MAP2: variants seen among roughly 807,000 people sequenced by gnomAD.
The protein encoded by MAP2 is microtubule associated protein 2, also known as microtubule-associated protein 2.
A neutral mutation model predicts 137.6 loss-of-function variants in MAP2; 14 were observed. That is an observed-to-expected ratio of 0.10 (90% CI 0.07 to 0.16). The LOEUF (loss-of-function observed/expected upper bound fraction) is 0.16, where lower values mean the gene tolerates loss of function less well. MAP2 is among the 10% of genes least tolerant of loss of function. MAP2 has a pLI of 1.00. For synonymous variants in MAP2, 786 were observed against 782.3 expected, an observed-to-expected ratio of 1.00 and a Z score of -0.08; for missense variants, 2,088 against 2,191.5, an observed-to-expected ratio of 0.95 and a Z score of 0.94.
chr2:209,442,071 C>T (rs1028258249), intron 1 of MAP2, among the ~76,000 whole-genome samples: 1 of 151,474 alleles, frequency 6.6e-6, no homozygotes, highest in African/African-American at 2.4e-5. Context: ...AGGATTTTCA[C>T]AAATAAATTA....
rs555418212 is a variant in MAP2 at position 209,659,879 on chromosome 2, A to G, written c.262+6447A>G. 7.9e-5 allele frequency among the ~76,000 whole-genome samples: 12 copies of G among 152,180 alleles called. No homozygotes were observed. The East Asian group carries it at 1.2e-3, about 15-fold the overall frequency. On this transcript the variant is annotated intron_variant, in intron 5 of 15. Coordinates refer to ENST00000682079, the MANE Select transcript of MAP2 (RefSeq NM_001375505.1). ...CTGTGAAACCCCGTCTCTACTGAAAATAGAAAAAATTAGCCGGGCGTGGTG... is the reference window on the plus strand; with the variant it reads ...CTGTGAAACCCCGTCTCTACTGAAAGTAGAAAAAATTAGCCGGGCGTGGTG...
chr2:209,709,451 G>A (rs960598572), intron 12 of MAP2, among the ~76,000 whole-genome samples: 1 of 151,990 alleles, frequency 6.6e-6, no homozygotes, highest in Non-Finnish European at 1.5e-5. Flanking sequence ...CTAAATACAT[G>A]GTTCTATATT....
At chr2:209,669,372 G>A (rs892488661) in intron 5 of MAP2, among the ~76,000 whole-genome samples, 3 of 151,970 alleles carry the variant, frequency 2.0e-5, no homozygotes, top group African/African-American at 7.2e-5. Flanking sequence ...AGGTCACAAG[G>A]CTTCCAAAGA....
chr2:209,553,654 C>CA (rs1453846032), intron 2 of MAP2, among the ~76,000 whole-genome samples: 1 of 152,160 alleles, frequency 6.6e-6, no homozygotes, highest in African/African-American at 2.4e-5. Context: ...AAAGTGATTT[C>CA]AAGTAATTTA....
chr2:209,679,845 C>T (rs891443545), intron 6 of MAP2, among the ~76,000 whole-genome samples: 1 of 152,064 alleles, frequency 6.6e-6, no homozygotes, highest in African/African-American at 2.4e-5. Context: ...TCTTAAAATA[C>T]GCCATGCAGA....
At chr2:209,556,287 T>C (rs2070625858) in intron 2 of MAP2, among the ~76,000 whole-genome samples, 1 of 152,098 alleles carries the variant, frequency 6.6e-6, no homozygotes, top group African/African-American at 2.4e-5. Flanking sequence ...CAAGCGATCG[T>C]CCTGCCTTGG....
intron 1 of MAP2, among the ~76,000 whole-genome samples, chr2:209,439,810 C>T (rs190889141): frequency 6.6e-6 from 1 of 151,260 alleles, no homozygotes; most frequent in African/African-American, 2.4e-5. Flanking sequence ...TTATGTTATC[C>T]CAGTGCTTGG....
chr2:209,534,219 A>G (rs767882853), intron 2 of MAP2, among the ~76,000 whole-genome samples: 23 of 152,224 alleles, frequency 1.5e-4, no homozygotes, highest in Non-Finnish European at 3.2e-4. Flanking sequence ...TGGCTAATCT[A>G]TCTCCTGGTG....
At chr2:209,730,027 T>C (rs542627226) in intron 15 of MAP2, 65 bp downstream of exon 15, 135 of 1,274,784 alleles carry the variant, frequency 1.1e-4, no homozygotes, top group Non-Finnish European at 1.2e-4. Flanking sequence ...ATACTCTTCA[T>C]CAAAATAGGT....
At chr2:209,530,805 A>G (rs1376782324) in intron 2 of MAP2, among the ~76,000 whole-genome samples, 1 of 152,186 alleles carries the variant, frequency 6.6e-6, no homozygotes, top group Non-Finnish European at 1.5e-5. Flanking sequence ...AATTTGCTCC[A>G]GGTCACATAG....
intron 4 of MAP2, among the ~76,000 whole-genome samples, chr2:209,647,021 G>C (rs887237794): frequency 1.3e-5 from 2 of 152,176 alleles, no homozygotes; most frequent in Admixed American, 6.5e-5. Context: ...CATCTGCTCA[G>C]CTTCGGGGAG....
chr2:209,456,981 A>G (rs60358187), intron 1 of MAP2, among the ~76,000 whole-genome samples: 7,358 of 152,054 alleles, frequency 0.048, 291 homozygotes, highest in East Asian at 0.19. Context: ...ACACATGTAC[A>G]CACACAAACA....
chr2:209,677,281 A>T (rs1232902698), intron 5 of MAP2, among the ~76,000 whole-genome samples: 1 of 151,998 alleles, frequency 6.6e-6, no homozygotes, highest in Non-Finnish European at 1.5e-5. Context: ...ATCTCTTAGA[A>T]ATAAAATAGT....
At chr2:209,729,373 GC>G (rs953695597) in intron 14 of MAP2, among the ~76,000 whole-genome samples, 1 of 152,108 alleles carries the variant, frequency 6.6e-6, no homozygotes, top group Non-Finnish European at 1.5e-5. Context: ...TGAATATATT[GC>G]CCACATGTGC....
intron 11 of MAP2, among the ~76,000 whole-genome samples, chr2:209,700,891 A>G (rs1269791474): frequency 6.6e-6 from 1 of 152,182 alleles, no homozygotes; most frequent in African/African-American, 2.4e-5. Flanking sequence ...TAAATTCAAC[A>G]GTAAATGTAC....
chr2:209,694,253 A>G lies in MAP2; in HGVS notation c.2083A>G (p.Ile695Val), dbSNP rs2059647106. The G allele has an allele frequency of 1.2e-6, 2 of 1,614,126 alleles. No homozygotes were observed. The highest frequency in any genetic ancestry group is 1.7e-6 in the Non-Finnish European group (2 of 1,180,006). ...RSLGLGGRSAIEQRSMSINLP... is the reference protein window; with the variant it reads ...RSLGLGGRSAVEQRSMSINLP... ...TTTAGGACTTGGTGGTAGGTCTGCA[A>G]TAGAACAAAGAAGCATGTCAATCAA... The change falls in exon 8 of 16, where the codon ATA (isoleucine) becomes GTA (valine). Residue 695 changes from isoleucine (I) to valine (V), a missense_variant. By Grantham distance (29) the Ile-to-Val change is conservative. Around this residue, in one of 6 missense-constraint regions of MAP2, gnomAD observed 18 missense variants for 41.6 expected, o/e 0.43. Transcript: ENST00000682079.
chr2:209,666,998 G>T (rs996514316), intron 5 of MAP2, among the ~76,000 whole-genome samples: 3 of 151,996 alleles, frequency 2.0e-5, no homozygotes, highest in African/African-American at 7.2e-5. Flanking sequence ...TATGTAAATA[G>T]AAAGTGGTTT....
intron 4 of MAP2, among the ~76,000 whole-genome samples, chr2:209,652,214 G>A (rs559143890): frequency 3.0e-4 from 46 of 152,124 alleles, no homozygotes; most frequent in Non-Finnish European, 5.6e-4. Context: ...CAATTAACAT[G>A]TATAGAACAC....
intron 2 of MAP2, among the ~76,000 whole-genome samples, chr2:209,551,498 G>T (rs997487232): frequency 2.6e-5 from 4 of 152,246 alleles, no homozygotes; most frequent in African/African-American, 9.6e-5. Flanking sequence ...ACTTGTCCTT[G>T]CATAGAGCCC....
Sources: allele counts gnomAD v4.1 joint callset (sites outside exome capture counted in the v4.1 genomes callset), GRCh38; gene constraint gnomAD v4.1.1; regional missense constraint gnomAD v4.1.1; transcripts MANE v1.5; gene names NCBI Gene and HGNC (gene_info 2026-07-23, HGNC 2026-07-21).